TUFT1: variants seen among roughly 807,000 people sequenced by gnomAD.
TUFT1 encodes the protein tuftelin 1, also known as tuftelin.
A neutral mutation model predicts 57.8 loss-of-function variants in TUFT1; 43 were observed. That is an observed-to-expected ratio of 0.74 (90% CI 0.58 to 0.96). The LOEUF is 0.96. TUFT1 is among the 40% of genes least tolerant of loss of function. The pLI is 0.00. For missense variants in TUFT1, 459 were observed against 489.0 expected, an observed-to-expected ratio of 0.94 and a Z score of 0.58; for synonymous variants, 166 against 176.7, an observed-to-expected ratio of 0.94 and a Z score of 0.48.
intron 7 of TUFT1, among the ~76,000 whole-genome samples, chr1:151,573,806 C>CA (rs1184489719): frequency 6.6e-6 from 1 of 152,122 alleles, no homozygotes; most frequent in East Asian, 1.9e-4. Context: ...GTAGCCCTTC[C>CA]AGGTGCCATT....
chr1:151,550,977 G>A (rs1665490139), intron 1 of TUFT1, among the ~76,000 whole-genome samples: 1 of 152,082 alleles, frequency 6.6e-6, no homozygotes, highest in African/African-American at 2.4e-5. Flanking sequence ...GGGCCATCTG[G>A]GTGGTTTCTG....
In TUFT1 at chr1:151,562,634, C is replaced by G. The variant is rs769979979; in HGVS notation, c.185C>G (p.Ser62Cys). 2 of 1,613,074 alleles carry G rather than the reference C, an allele frequency of 1.2e-6. No homozygotes were observed. Among genetic ancestry groups the G allele is most frequent in the African/African-American group, 2.7e-5 (2 of 74,860 alleles). The change falls in exon 3 of 13, where the codon TCT becomes TGT. Residue 62 changes from serine (S) to cysteine (C), a missense_variant. By Grantham distance (112) the Ser-to-Cys change is moderately radical. Transcript: ENST00000368849. ...GTGTCCAGCCACTCAGCTGGTCATT[C>G]TCTGGCTTCAGAACTGGTGGAGTCC... ...AMVSSHSAGH[S>C]LASELVESHD...
intron 1 of TUFT1, among the ~76,000 whole-genome samples, chr1:151,559,776 A>G (rs899562850): frequency 3.9e-5 from 6 of 151,968 alleles, no homozygotes; most frequent in African/African-American, 1.4e-4. Flanking sequence ...GGCAGAGAGT[A>G]ACCTCCATAC....
chr1:151,579,854 T>C, intron 11 of TUFT1, 122 bp downstream of exon 11: 1 of 970,810 alleles, frequency 1.0e-6, no homozygotes, highest in South Asian at 1.6e-5. Flanking sequence ...AGTGAATACC[T>C]AGGGTGGTTG....
At chr1:151,543,117 A>G (rs775213798) in intron 1 of TUFT1, among the ~76,000 whole-genome samples, 21 of 152,294 alleles carry the variant, frequency 1.4e-4, no homozygotes, top group African/African-American at 3.8e-4. Context: ...CATAGGGCCA[A>G]TACACTCTCT....
chr1:151,567,910 T>A (rs1030323970), intron 6 of TUFT1, among the ~76,000 whole-genome samples: 1 of 152,218 alleles, frequency 6.6e-6, no homozygotes, highest in African/African-American at 2.4e-5. Flanking sequence ...TACAAAACAT[T>A]CATATTGTAG....
chr1:151,548,374 C>T (rs1336890228), intron 1 of TUFT1, among the ~76,000 whole-genome samples: 1 of 146,428 alleles, frequency 6.8e-6, no homozygotes, highest in Non-Finnish European at 1.5e-5. Flanking sequence ...CCAATCTTGG[C>T]TCACTGCAGC....
intron 5 of TUFT1, among the ~76,000 whole-genome samples, chr1:151,565,405 CCT>C (rs1261518838): frequency 6.6e-6 from 1 of 152,254 alleles, no homozygotes; most frequent in Non-Finnish European, 1.5e-5. Flanking sequence ...AGCAGCAGCC[CCT>C]GCCTTCATTC....
intron 4 of TUFT1, 127 bp downstream of exon 4, chr1:151,564,117 C>T: frequency 1.4e-6 from 1 of 696,658 alleles, no homozygotes; most frequent in Non-Finnish European, 2.4e-6. Context: ...TGAAATGCCA[C>T]CATGCCCTCC....
chr1:151,543,496 A>T (rs968393163), intron 1 of TUFT1, among the ~76,000 whole-genome samples: 4 of 152,156 alleles, frequency 2.6e-5, no homozygotes, highest in African/African-American at 9.7e-5. Context: ...TTTTTACTAG[A>T]TATTTCCATT....
chr1:151,581,691 G>A lies in TUFT1; in HGVS notation c.1157G>A (p.Arg386Gln), dbSNP rs368431369. 162 of 1,614,042 alleles carry A rather than the reference G, an allele frequency of 1.0e-4. No individual in the cohort carries two copies. The highest frequency in any genetic ancestry group is 1.2e-4 in the Non-Finnish European group (147 of 1,180,046). ...AGCCCGAAGCCCATGCCTGTCATCC[G>A]AGTGGTGGAAACCTGAGCTGCCTGG... ...PPSPKPMPVI[R>Q]VVET The change falls in exon 13 of 13, where the codon CGA becomes CAA. Residue 386 changes from arginine (R) to glutamine (Q), a missense_variant. Physicochemically the swap from Arg to Gln is conservative, Grantham distance 43. Coordinates refer to ENST00000368849, the MANE Select transcript of TUFT1 (RefSeq NM_020127.3).
chr1:151,553,720 G>C (rs1425500159), intron 1 of TUFT1, among the ~76,000 whole-genome samples: 1 of 152,120 alleles, frequency 6.6e-6, no homozygotes, highest in Non-Finnish European at 1.5e-5. Context: ...GTTTATCTTT[G>C]GTCCATGCTT....
chr1:151,547,461 GGTTGGGAAGGTTCA>G (rs1199540790), intron 1 of TUFT1, among the ~76,000 whole-genome samples: 1 of 152,214 alleles, frequency 6.6e-6, no homozygotes, highest in Non-Finnish European at 1.5e-5. Context: ...GTTTTCTAGG[GGTTGGGAAGGTTCA>G]GTTGCGGAAA....
In TUFT1 at chr1:151,582,223, C is replaced by G. The variant is rs1343852226; in HGVS notation, c.*516C>G. 6 of 455,994 alleles carry G rather than the reference C, an allele frequency of 1.3e-5. No individual in the cohort carries two copies. The highest frequency in any genetic ancestry group is 1.2e-4 in the African/African-American group (6 of 50,092). The allele number at this position is 455,994 out of a possible 1,614,324, so 28.2% of individuals were successfully genotyped here. On this transcript the variant is annotated 3_prime_UTR_variant, in exon 13 of 13. Transcript: ENST00000368849. ...CCATCTGCAGCCTACGCTGCCCTGG[C>G]CTCCTGCAGACAGATAGTGGGGTTA...
chr1:151,565,957 C>G (rs148850330), intron 5 of TUFT1: 283 of 469,820 alleles, frequency 6.0e-4, no homozygotes, highest in African/African-American at 5.3e-3. Flanking sequence ...TTTCTTCTTT[C>G]GCTTCGTTCC....
chr1:151,553,818 AT>A (rs533808739), intron 1 of TUFT1, among the ~76,000 whole-genome samples: 15 of 147,766 alleles, frequency 1.0e-4, no homozygotes, highest in Non-Finnish European at 1.3e-4. Flanking sequence ...AACACTTCGT[AT>A]TTTTTTTTTA....
At chr1:151,574,663 A>AG (rs1666390435) in intron 8 of TUFT1, among the ~76,000 whole-genome samples, 4 of 152,182 alleles carry the variant, frequency 2.6e-5, no homozygotes, top group Admixed American at 2.0e-4. Context: ...TGGCAGCCAT[A>AG]GCTGGCGAGT....
chr1:151,561,692 T>C, intron 1 of TUFT1: 2 of 1,286,156 alleles, frequency 1.6e-6, no homozygotes, highest in South Asian at 2.5e-5. Flanking sequence ...GTAAAGTGCA[T>C]CAATAACTTG....
chr1:151,577,274 A>T (rs758353534), intron 9 of TUFT1, among the ~76,000 whole-genome samples: 1 of 152,158 alleles, frequency 6.6e-6, no homozygotes, highest in Non-Finnish European at 1.5e-5. Context: ...TGATTAGTTT[A>T]GTCTCTAGCT....
Sources: gnomAD v4.1 joint callset for allele counts (sites outside exome capture counted in the v4.1 genomes callset) on GRCh38, gnomAD v4.1.1 for gene constraint, MANE v1.5 for transcripts, NCBI Gene and HGNC (gene_info 2026-07-23, HGNC 2026-07-21) for gene names.